Variants in FER observed in about 807,000 individuals in gnomAD.
The protein encoded by FER is FER tyrosine kinase.
FER carries 63 observed loss-of-function variants against 111.0 expected under a neutral mutation model. The observed-to-expected ratio is 0.57, with a 90% confidence interval of 0.46 to 0.70. The LOEUF is 0.70. FER is among the 30% of genes least tolerant of loss of function. The pLI is 0.00. For synonymous variants in FER, 327 were observed against 313.9 expected, an observed-to-expected ratio of 1.04 and a Z score of -0.44; for missense variants, 914 against 954.0, an observed-to-expected ratio of 0.96 and a Z score of 0.55.
At chr5:108,832,984 T>C (rs1281891793) in intron 4 of FER, 41 bp downstream of exon 4, 6 of 1,499,362 alleles carry the variant, frequency 4.0e-6, no homozygotes, top group Non-Finnish European at 5.4e-6. Context: ...GAAATTGTTT[T>C]CCAAATTCAC....
At chr5:109,059,385 G>T (rs1448112897) in intron 16 of FER, among the ~76,000 whole-genome samples, 1 of 151,934 alleles carries the variant, frequency 6.6e-6, no homozygotes, top group South Asian at 2.1e-4. Flanking sequence ...AAAATTAGCT[G>T]GGTGTGGTGG....
chr5:108,832,790 G>A lies in FER; in HGVS notation c.228G>A (p.Gln76=). 3 of 1,512,320 alleles carry A rather than the reference G, an allele frequency of 2.0e-6. No homozygotes were observed. Among genetic ancestry groups the A allele is most frequent in the Admixed American group, 2.2e-5 (1 of 46,426 alleles). 93.7% of individuals were successfully genotyped at this position (1,512,320 alleles called of 1,614,324 possible). A position where few individuals can be genotyped will look rare whatever the true frequency, so the allele number is the denominator to read the frequency against. ...TTAAGTCTTGGCTACTTATGATTCA[G>A]CAGACAGAACAACTTAGTAGGATAA... ...NVSKSWLLMI[Q]QTEQLSRIMK... is the part of the protein sequence containing the mutation. Residue 76 remains glutamine (Q), a synonymous_variant, in exon 4 of 20, where the codon CAG becomes CAA. Coordinates refer to ENST00000281092, the MANE Select transcript of FER (RefSeq NM_005246.4).
At chr5:109,140,116 C>A (rs1382253612) in intron 17 of FER, among the ~76,000 whole-genome samples, 1 of 152,054 alleles carries the variant, frequency 6.6e-6, no homozygotes, top group Non-Finnish European at 1.5e-5. Context: ...GCAAATTAAG[C>A]CTTTTTAAAA....
intron 13 of FER, among the ~76,000 whole-genome samples, chr5:109,035,731 C>CT (rs530014418): frequency 9.2e-5 from 14 of 152,134 alleles, no homozygotes; most frequent in Non-Finnish European, 2.1e-4. Context: ...CGCAAAAATG[C>CT]TTTTTCTGCG....
At chr5:108,850,862 A>C (rs1762481363) in intron 5 of FER, among the ~76,000 whole-genome samples, 1 of 152,176 alleles carries the variant, frequency 6.6e-6, no homozygotes, top group Non-Finnish European at 1.5e-5. Context: ...CATGATTGGG[A>C]GAATAAAGAA....
intron 17 of FER, among the ~76,000 whole-genome samples, chr5:109,177,028 A>G (rs976095232): frequency 6.6e-6 from 1 of 152,226 alleles, no homozygotes; most frequent in African/African-American, 2.4e-5. Context: ...GAAACTGGCA[A>G]AGTCTGATGG....
intron 12 of FER, 117 bp downstream of exon 12, chr5:108,955,049 A>C (rs1296727153): frequency 1.2e-6 from 1 of 812,166 alleles, no homozygotes; most frequent in Non-Finnish European, 1.8e-6. Flanking sequence ...TTAGCACTTA[A>C]TTTTTTTCTG....
chr5:109,075,179 T>C (rs17161593), intron 16 of FER, among the ~76,000 whole-genome samples: 1 of 152,020 alleles, frequency 6.6e-6, no homozygotes, highest in Non-Finnish European at 1.5e-5. Flanking sequence ...TGTTCTTTTT[T>C]AAAGAGTAAT....
chr5:108,768,722 G>A (rs1752582149), intron 2 of FER, among the ~76,000 whole-genome samples: 1 of 152,146 alleles, frequency 6.6e-6, no homozygotes, highest in African/African-American at 2.4e-5. Flanking sequence ...CTCTGAGGAT[G>A]TAATGATGAA....
At position 108,951,343 on chromosome 5, in the gene FER, A is replaced by C. The variant is rs189697874; in HGVS notation, c.1330-3386A>C. 3.1e-3 allele frequency among the ~76,000 whole-genome samples: 467 copies of C among 152,238 alleles called. 7 individuals carry two copies. Among genetic ancestry groups the C allele is most frequent in the Non-Finnish European group, 2.4e-3 (160 of 68,004 alleles). On this transcript the variant is annotated intron_variant, in intron 11 of 19. Coordinates refer to ENST00000281092, the MANE Select transcript of FER (RefSeq NM_005246.4). The stretch of plus-strand genomic sequence containing the variant: ...AGGCTGGTCTTGAACTCCTGACTTA[A>C]GCAGTCCTCCCACCTTGGCCTCCCA...
At chr5:108,766,970 C>T (rs1752385187) in intron 1 of FER, among the ~76,000 whole-genome samples, 1 of 152,136 alleles carries the variant, frequency 6.6e-6, no homozygotes, top group Non-Finnish European at 1.5e-5. Flanking sequence ...GAAGGGAGAA[C>T]AGCCAATTCA....
chr5:109,142,420 T>C (rs1273123375), intron 17 of FER, among the ~76,000 whole-genome samples: 4 of 152,124 alleles, frequency 2.6e-5, no homozygotes, highest in East Asian at 1.9e-4. Flanking sequence ...GTAGGAAATA[T>C]ACAAACAGGC....
intron 6 of FER, among the ~76,000 whole-genome samples, chr5:108,869,607 T>C (rs1440686251): frequency 1.3e-5 from 2 of 151,964 alleles, no homozygotes; most frequent in Non-Finnish European, 2.9e-5. Flanking sequence ...GAGGCAGAGA[T>C]TGACATCGTT....
At chr5:108,814,220 A>T (rs1439623649) in intron 3 of FER, among the ~76,000 whole-genome samples, 1 of 152,070 alleles carries the variant, frequency 6.6e-6, no homozygotes, top group African/African-American at 2.4e-5. Flanking sequence ...AATCACATGA[A>T]CCTGTGATTT....
At position 109,146,239 on chromosome 5, in the gene FER, TATATAATCTATCTA is replaced by T. The variant is rs1488313382; in HGVS notation, c.2049-34502_2049-34489del. ...ATATATATATTATCTATCTAATATA[TATATAATCTATCTA>T]ATATATATATATATATATATATATA... On this transcript the variant is annotated intron_variant, in intron 17 of 19. Transcript: ENST00000281092. 1.7e-3 allele frequency among the ~76,000 whole-genome samples: 142 copies of T among 85,468 alleles called. 1 individual carries two copies. The highest frequency in any genetic ancestry group is 6.6e-3 in the African/African-American group (140 of 21,140). 56.1% of individuals were successfully genotyped at this position (85,468 alleles called of 152,430 possible).
chr5:108,777,302 A>T (rs571310316), intron 2 of FER, among the ~76,000 whole-genome samples: 2 of 152,330 alleles, frequency 1.3e-5, no homozygotes, highest in East Asian at 3.9e-4. Context: ...GTTTTAAGTT[A>T]ACAGCAAAAT....
intron 16 of FER, among the ~76,000 whole-genome samples, chr5:109,069,697 A>C (rs1475014849): frequency 6.6e-6 from 1 of 152,126 alleles, no homozygotes; most frequent in African/African-American, 2.4e-5. Flanking sequence ...CAAAAGAAGA[A>C]AAGATGTTGA....
At chr5:108,891,263 C>G (rs1456491742) in intron 9 of FER, among the ~76,000 whole-genome samples, 1 of 152,044 alleles carries the variant, frequency 6.6e-6, no homozygotes, top group Non-Finnish European at 1.5e-5. Flanking sequence ...TAACTCTGCA[C>G]TCTTTATATA....
At chr5:108,762,524 A>G (rs1264981002) in intron 1 of FER, among the ~76,000 whole-genome samples, 3 of 152,132 alleles carry the variant, frequency 2.0e-5, no homozygotes, top group Non-Finnish European at 2.9e-5. Flanking sequence ...GACGTAAGAG[A>G]TCATGTCTTT....
Sources: gnomAD v4.1 joint callset for allele counts (sites outside exome capture counted in the v4.1 genomes callset) on GRCh38, gnomAD v4.1.1 for gene constraint, MANE v1.5 for transcripts, NCBI Gene and HGNC (gene_info 2026-07-23, HGNC 2026-07-21) for gene names.